Variants in AGBL1 observed in about 807,000 individuals in gnomAD.
AGBL1 encodes the protein AGBL carboxypeptidase 1.
AGBL1 carries 130 observed loss-of-function variants against 118.9 expected under a neutral mutation model. The ratio of observed to expected loss-of-function variants is 1.09; its 90% CI spans 0.95 to 1.26. The LOEUF is 1.26. Ranked by LOEUF, AGBL1 falls within the 50% of genes most tolerant of loss-of-function variation. The probability of loss-of-function intolerance (pLI) is 0.00; values close to 1 mark genes in which losing one functional copy is unlikely to be tolerated. For synonymous variants in AGBL1, 555 were observed against 478.9 expected (o/e 1.16, Z -2.08); for missense variants, 1,584 against 1,298.1 (o/e 1.22, Z -3.38).
At position 86,256,924 on chromosome 15, in the gene AGBL1, T is replaced by C. The variant is rs369685746; in HGVS notation, c.807T>C (p.Pro269=). Residue 269 remains proline (P), a synonymous_variant, in exon 8 of 23, where the codon CCT becomes CCC. Transcript: ENST00000614907. ...TTCAGATCCTGAGGCAGTGCTACCCTACGAGTCCACTTCCCTTGGTCACAG... is the reference window on the plus strand; with the variant it reads ...TTCAGATCCTGAGGCAGTGCTACCCCACGAGTCCACTTCCCTTGGTCACAG... ...VVLQILRQCY[P]TSPLPLVTAS... 2 of 1,613,836 alleles carry C rather than the reference T, an allele frequency of 1.2e-6. No homozygotes were observed. Among genetic ancestry groups the C allele is most frequent in the African/African-American group, 2.7e-5 (2 of 74,938 alleles).
chr15:86,727,096 G>C (rs2086832401), intron 22 of AGBL1, among the ~76,000 whole-genome samples: 1 of 152,182 alleles, frequency 6.6e-6, no homozygotes, highest in Non-Finnish European at 1.5e-5. Flanking sequence ...GTGTCAGGCA[G>C]TACTTGGGAT....
intron 22 of AGBL1, among the ~76,000 whole-genome samples, chr15:86,796,600 A>G (rs975212191): frequency 1.3e-5 from 2 of 152,074 alleles, no homozygotes; most frequent in Admixed American, 1.3e-4. Flanking sequence ...TTAGAAGCTC[A>G]TGCACTCTGA....
chr15:86,252,844 A>G (rs1177956030), intron 7 of AGBL1, among the ~76,000 whole-genome samples: 1 of 152,170 alleles, frequency 6.6e-6, no homozygotes, highest in African/African-American at 2.4e-5. Context: ...ATATCAAGCC[A>G]TTTCCATTTA....
chr15:86,266,882 A>C (rs966665440), intron 12 of AGBL1, 108 bp from the exon 13 acceptor site: 8 of 984,102 alleles, frequency 8.1e-6, no homozygotes, highest in Non-Finnish European at 1.2e-5. Flanking sequence ...CCTGGGCAAC[A>C]GAGTGAGATT....
At chr15:86,478,612 G>T (rs2082597912) in intron 18 of AGBL1, among the ~76,000 whole-genome samples, 1 of 152,142 alleles carries the variant, frequency 6.6e-6, no homozygotes, top group South Asian at 2.1e-4. Flanking sequence ...AACATTCCAT[G>T]CTCATGGATA....
intron 22 of AGBL1, among the ~76,000 whole-genome samples, chr15:86,875,354 T>C (rs571180942): frequency 6.6e-6 from 1 of 152,300 alleles, no homozygotes; most frequent in South Asian, 2.1e-4. Context: ...GGTTGACAAA[T>C]GTACCAGTTT....
chr15:86,898,669 C>T (rs1002854489), intron 22 of AGBL1, among the ~76,000 whole-genome samples: 5 of 151,996 alleles, frequency 3.3e-5, no homozygotes, highest in Non-Finnish European at 7.4e-5. Flanking sequence ...AGTCTAATAT[C>T]CAGCATCTAT....
At chr15:87,008,782 C>T (rs2081528985) in intron 24 of AGBL1, among the ~76,000 whole-genome samples, 1 of 152,312 alleles carries the variant, frequency 6.6e-6, no homozygotes, top group Non-Finnish European at 1.5e-5. Context: ...GCAAAGGTGA[C>T]TCTTGTTATG....
intron 6 of AGBL1, among the ~76,000 whole-genome samples, chr15:86,242,234 C>A (rs57478275): frequency 0.015 from 2,348 of 151,732 alleles, 62 homozygotes; most frequent in African/African-American, 0.052. Flanking sequence ...TGAGAACAGA[C>A]TAATACATTT....
chr15:86,118,311 A>G (rs1254182107), intron 1 of AGBL1, among the ~76,000 whole-genome samples: 2 of 152,144 alleles, frequency 1.3e-5, no homozygotes, highest in Admixed American at 6.6e-5. Flanking sequence ...TAAAAGTCCA[A>G]ATTGGCAGGT....
intron 1 of AGBL1, among the ~76,000 whole-genome samples, chr15:86,104,832 G>A (rs1456102780): frequency 2.6e-5 from 4 of 152,182 alleles, no homozygotes; most frequent in Non-Finnish European, 4.4e-5. Context: ...CCTCTCTGGA[G>A]TAATGCCAGT....
At chr15:86,962,565 A>G (rs1321431785) in intron 23 of AGBL1, among the ~76,000 whole-genome samples, 1 of 152,032 alleles carries the variant, frequency 6.6e-6, no homozygotes, top group Non-Finnish European at 1.5e-5. Flanking sequence ...ATTTTGCTTC[A>G]TAAAGCTCTC....
intron 17 of AGBL1, among the ~76,000 whole-genome samples, chr15:86,356,602 C>T (rs1412906370): frequency 6.6e-6 from 1 of 151,996 alleles, no homozygotes. Flanking sequence ...AGCACAGATC[C>T]CATGCTGCAT....
chr15:86,150,214 A>G (rs1210818005), intron 3 of AGBL1, among the ~76,000 whole-genome samples: 1 of 152,244 alleles, frequency 6.6e-6, no homozygotes, highest in Non-Finnish European at 1.5e-5. Context: ...CACAACTAAA[A>G]GAACTAGAGA....
At chr15:86,934,364 T>G (rs938160582) in intron 23 of AGBL1, among the ~76,000 whole-genome samples, 7 of 152,184 alleles carry the variant, frequency 4.6e-5, no homozygotes, top group Non-Finnish European at 8.8e-5. Flanking sequence ...TGGCCAAGAA[T>G]AAGTCTTTGG....
At chr15:86,128,745 T>A (rs1374871743) in intron 1 of AGBL1, among the ~76,000 whole-genome samples, 1 of 152,212 alleles carries the variant, frequency 6.6e-6, no homozygotes, top group Non-Finnish European at 1.5e-5. Flanking sequence ...TTACTAGATC[T>A]GGGGAATTAA....
intron 18 of AGBL1, 116 bp from the exon 19 acceptor site, chr15:86,522,694 G>C (rs2083204879): frequency 7.6e-7 from 1 of 1,312,920 alleles, no homozygotes; most frequent in South Asian, 1.5e-5. Context: ...CAATTGGGAA[G>C]AAATCAGAGG....
intron 18 of AGBL1, among the ~76,000 whole-genome samples, chr15:86,471,706 G>T (rs1011687889): frequency 1.3e-5 from 2 of 152,008 alleles, no homozygotes; most frequent in Non-Finnish European, 2.9e-5. Context: ...GGGCATTCCA[G>T]TGCTTCTATA....
At chr15:86,180,218 A>T (rs2077534018) in intron 5 of AGBL1, among the ~76,000 whole-genome samples, 1 of 152,132 alleles carries the variant, frequency 6.6e-6, no homozygotes, top group South Asian at 2.1e-4. Flanking sequence ...TCATATGGAA[A>T]GACCAAGGAC....
Sources: allele counts gnomAD v4.1 joint callset (sites outside exome capture counted in the v4.1 genomes callset), GRCh38; gene constraint gnomAD v4.1.1; transcripts MANE v1.5; gene names NCBI Gene and HGNC (gene_info 2026-07-23, HGNC 2026-07-21).